The following MON2 variants were observed in gnomAD, a reference collection of about 807,000 sequenced individuals.
The protein encoded by MON2 is protein MON2 homolog.
Under a neutral mutation model 208.6 loss-of-function variants are expected in MON2, and 84 were observed. The ratio of observed to expected loss-of-function variants is 0.40; its 90% CI spans 0.34 to 0.48. The LOEUF (loss-of-function observed/expected upper bound fraction) is 0.48. MON2 is among the 20% of genes least tolerant of loss of function. The pLI is 0.59. For synonymous variants in MON2, 660 were observed against 694.0 expected, an observed-to-expected ratio of 0.95 and a Z score of 0.77; for missense variants, 1,611 against 2,015.4, an observed-to-expected ratio of 0.80 and a Z score of 3.84.
intron 9 of MON2, 84 bp downstream of exon 9, chr12:62,524,723 GTCAGAAGAC>G: frequency 7.7e-7 from 1 of 1,306,878 alleles, no homozygotes; most frequent in South Asian, 1.5e-5. Flanking sequence ...TAATAAACTA[GTCAGAAGAC>G]TTTTGGTATT....
intron 1 of MON2, among the ~76,000 whole-genome samples, chr12:62,469,041 G>T (rs1253699204): frequency 6.6e-6 from 1 of 151,932 alleles, no homozygotes. Flanking sequence ...CCTGGCTCAG[G>T]TGATTCTCCC....
intron 12 of MON2, among the ~76,000 whole-genome samples, chr12:62,533,662 G>A (rs1592321958): frequency 6.6e-6 from 1 of 152,248 alleles, no homozygotes; most frequent in East Asian, 1.9e-4. Flanking sequence ...CCAGGTGTCA[G>A]TCATTTCTCC....
At chr12:62,566,263 A>G (rs1471234453) in intron 28 of MON2, 59 bp from the exon 29 acceptor site, 1 of 1,565,494 alleles carries the variant, frequency 6.4e-7, no homozygotes, top group African/African-American at 1.4e-5. Context: ...CTTTGAAAAC[A>G]ATATGATTAA....
chr12:62,529,043 TTTCC>T (rs1432190517), intron 11 of MON2, among the ~76,000 whole-genome samples: 1 of 152,176 alleles, frequency 6.6e-6, no homozygotes, highest in African/African-American at 2.4e-5. Context: ...GTGTCTGGTA[TTTCC>T]TTCTTTGTGT....
intron 1 of MON2, among the ~76,000 whole-genome samples, chr12:62,478,028 C>G (rs2069188395): frequency 6.6e-6 from 1 of 152,150 alleles, no homozygotes; most frequent in African/African-American, 2.4e-5. Context: ...CTGGATCAGA[C>G]TTCCTCTGCA....
At chr12:62,488,702 C>G (rs962966389) in intron 2 of MON2, among the ~76,000 whole-genome samples, 4 of 152,064 alleles carry the variant, frequency 2.6e-5, no homozygotes, top group Non-Finnish European at 5.9e-5. Context: ...AGAAATTGAC[C>G]TGTTGAGCCA....
intron 1 of MON2, among the ~76,000 whole-genome samples, chr12:62,483,226 C>T (rs2069553937): frequency 6.6e-6 from 1 of 152,126 alleles, no homozygotes; most frequent in East Asian, 1.9e-4. Context: ...TCAATTCAGA[C>T]TGGCCACATT....
intron 8 of MON2, among the ~76,000 whole-genome samples, chr12:62,509,754 G>C (rs968723853): frequency 1.3e-5 from 2 of 152,018 alleles, no homozygotes; most frequent in African/African-American, 4.8e-5. Context: ...AATGAGAAGA[G>C]TCTCAAATGT....
rs149446479 is a variant in MON2 at position 62,498,942 on chromosome 12, A to G, written c.459A>G (p.Leu153=). 19 of 1,607,458 alleles carry G rather than the reference A, an allele frequency of 1.2e-5. No individual in the cohort carries two copies. The highest frequency in any genetic ancestry group is 2.2e-5 in the East Asian group (1 of 44,548). ...LSKAIVLCFR[L]HFTKDNITNN... Reference sequence around the variant, plus strand: ...AGGCAATCGTTCTTTGTTTTCGACTACACTTCACAAAAGATAATATTACAA... The same window carrying G: ...AGGCAATCGTTCTTTGTTTTCGACTGCACTTCACAAAAGATAATATTACAA... Residue 153 remains leucine, a synonymous_variant, in exon 5 of 35, where the codon CTA becomes CTG. Transcript: ENST00000393630.
At chr12:62,503,715 G>C (rs1013250682) in intron 7 of MON2, among the ~76,000 whole-genome samples, 2 of 152,030 alleles carry the variant, frequency 1.3e-5, no homozygotes, top group African/African-American at 4.8e-5. Context: ...CCTTCTTGTT[G>C]TTTGTGAAGT....
intron 4 of MON2, among the ~76,000 whole-genome samples, chr12:62,496,403 T>C (rs1485998715): frequency 1.3e-5 from 2 of 152,164 alleles, no homozygotes; most frequent in Admixed American, 6.5e-5. Flanking sequence ...AAATCAAGTA[T>C]AAAGAAATAG....
chr12:62,485,532 T>C (rs771347732), intron 2 of MON2, among the ~76,000 whole-genome samples: 1 of 152,230 alleles, frequency 6.6e-6, no homozygotes, highest in African/African-American at 2.4e-5. Flanking sequence ...CCACAGCTTT[T>C]TCCCTGATTT....
intron 7 of MON2, 128 bp downstream of exon 7, chr12:62,501,826 C>T: frequency 1.0e-6 from 1 of 974,426 alleles, no homozygotes; most frequent in Non-Finnish European, 1.5e-6. Context: ...TGGTTCATGC[C>T]TGTAATTGCA....
intron 2 of MON2, among the ~76,000 whole-genome samples, chr12:62,492,440 C>T (rs1376367067): frequency 2.1e-5 from 3 of 142,880 alleles, no homozygotes; most frequent in Non-Finnish European, 4.5e-5. Flanking sequence ...GGCGCAATCT[C>T]GGCTCACTGC....
intron 8 of MON2, among the ~76,000 whole-genome samples, chr12:62,509,473 A>G (rs1223141876): frequency 6.6e-6 from 1 of 152,214 alleles, no homozygotes; most frequent in Admixed American, 6.5e-5. Flanking sequence ...TCTACTTCCA[A>G]TAAAGGTAGA....
intron 6 of MON2, 152 bp downstream of exon 6, chr12:62,501,032 ATTTAC>A (rs1390824747): frequency 8.6e-6 from 4 of 465,296 alleles, no homozygotes; most frequent in African/African-American, 2.0e-5. Context: ...CAACTTTTAT[ATTTAC>A]TTTATAGCTA....
At position 62,588,058 on chromosome 12, in the gene MON2, C is replaced by T. The variant is rs920770308; in HGVS notation, c.4908-16C>T. 6.7e-7 allele frequency: 1 copy of T among 1,489,440 alleles called. No homozygotes were observed. The highest frequency in any genetic ancestry group is 1.4e-5 in the African/African-American group (1 of 71,812). 92.3% of individuals were successfully genotyped at this position (1,489,440 alleles called of 1,614,324 possible). A position where few individuals can be genotyped will look rare whatever the true frequency, so the allele number is the denominator to read the frequency against. On this transcript the variant is annotated splice_polypyrimidine_tract_variant and intron_variant, in intron 33 of 34. Transcript: ENST00000393630. ...TTTAAAATCTTAATGGAAATGATTTCCTATCTCTTTTTCAGGCAACAAGTA... is the reference window on the plus strand; with the variant it reads ...TTTAAAATCTTAATGGAAATGATTTTCTATCTCTTTTTCAGGCAACAAGTA...
intron 3 of MON2, 120 bp downstream of exon 3, chr12:62,494,162 G>T: frequency 1.1e-6 from 1 of 892,866 alleles, no homozygotes; most frequent in Non-Finnish European, 1.6e-6. Context: ...TGTGCTCGGA[G>T]AAAATGGCTT....
At chr12:62,511,459 C>T (rs531104089) in intron 8 of MON2, among the ~76,000 whole-genome samples, 1 of 152,230 alleles carries the variant, frequency 6.6e-6, no homozygotes, top group East Asian at 1.9e-4. Context: ...AATAAACTCT[C>T]ATATATATGG....
Sources: allele counts gnomAD v4.1 joint callset (sites outside exome capture counted in the v4.1 genomes callset), GRCh38; gene constraint gnomAD v4.1.1; transcripts MANE v1.5; gene names NCBI Gene and HGNC (gene_info 2026-07-23, HGNC 2026-07-21).